Variants in GXYLT2 observed in about 807,000 individuals in gnomAD.
GXYLT2 encodes the protein glucoside xylosyltransferase 2.
A neutral mutation model predicts 45.8 loss-of-function variants in GXYLT2; 53 were observed. The observed-to-expected ratio is 1.16, with a 90% confidence interval of 0.93 to 1.46. The LOEUF (loss-of-function observed/expected upper bound fraction) is 1.46, where lower values mean the gene tolerates loss of function less well. Among genes scored for constraint, GXYLT2 ranks in the 40% most tolerant of loss-of-function variants. The pLI is 0.00. For synonymous variants in GXYLT2, 219 were observed against 214.2 expected, an observed-to-expected ratio of 1.02 and a Z score of -0.19; for missense variants, 551 against 544.4, an observed-to-expected ratio of 1.01 and a Z score of -0.12.
chr3:72,899,931 C>T (rs1382927268), intron 1 of GXYLT2, among the ~76,000 whole-genome samples: 1 of 152,138 alleles, frequency 6.6e-6, no homozygotes, highest in Non-Finnish European at 1.5e-5. Context: ...TGGCCAACAG[C>T]ATGGGTTAGG....
intron 3 of GXYLT2, among the ~76,000 whole-genome samples, chr3:72,938,995 C>T (rs1710243612): frequency 6.6e-6 from 1 of 152,166 alleles, no homozygotes; most frequent in Non-Finnish European, 1.5e-5. Flanking sequence ...GTACACCCTG[C>T]TCTTTGTTAG....
At chr3:72,960,037 C>T (rs1186000948) in intron 5 of GXYLT2, among the ~76,000 whole-genome samples, 1 of 152,166 alleles carries the variant, frequency 6.6e-6, no homozygotes, top group Non-Finnish European at 1.5e-5. Context: ...CCTCTGCCTC[C>T]TGGGTTCAAG....
intron 3 of GXYLT2, among the ~76,000 whole-genome samples, chr3:72,941,035 G>C (rs887712646): frequency 6.6e-6 from 1 of 152,148 alleles, no homozygotes; most frequent in Admixed American, 6.5e-5. Context: ...GAGCATCAGA[G>C]CTTTACGTAA....
At chr3:72,953,219 A>G (rs1055633660) in intron 3 of GXYLT2, among the ~76,000 whole-genome samples, 2 of 152,152 alleles carry the variant, frequency 1.3e-5, no homozygotes, top group Admixed American at 6.5e-5. Context: ...TGAAAATTAT[A>G]TGAAATTCAA....
intron 3 of GXYLT2, among the ~76,000 whole-genome samples, chr3:72,943,854 A>ATT (rs527656824): frequency 7.4e-6 from 1 of 135,334 alleles, no homozygotes. Context: ...TGAGAGCATC[A>ATT]TTTTTTTTTT....
chr3:72,910,756 A>C (rs558163455), intron 2 of GXYLT2, among the ~76,000 whole-genome samples: 1 of 152,314 alleles, frequency 6.6e-6, no homozygotes, highest in Non-Finnish European at 1.5e-5. Context: ...TCATTCCCTC[A>C]GTGTGGCAGT....
At chr3:72,893,082 C>A (rs535448064) in intron 1 of GXYLT2, among the ~76,000 whole-genome samples, 153 of 152,260 alleles carry the variant, frequency 1.0e-3, no homozygotes, top group African/African-American at 3.6e-3. Flanking sequence ...TCCTTACGGC[C>A]GCTTCAATAA....
At chr3:72,896,476 T>C (rs1454000084) in intron 1 of GXYLT2, among the ~76,000 whole-genome samples, 1 of 152,116 alleles carries the variant, frequency 6.6e-6, no homozygotes, top group Non-Finnish European at 1.5e-5. Flanking sequence ...GGGGTAGGTA[T>C]GACTTGAGGA....
chr3:72,899,145 C>A (rs993942005), intron 1 of GXYLT2, among the ~76,000 whole-genome samples: 21 of 152,188 alleles, frequency 1.4e-4, no homozygotes, highest in African/African-American at 4.6e-4. Flanking sequence ...GTGACACTTA[C>A]TAGTTTTAAA....
chr3:72,956,668 C>T (rs544477852), intron 4 of GXYLT2, among the ~76,000 whole-genome samples: 2 of 151,934 alleles, frequency 1.3e-5, no homozygotes, highest in Non-Finnish European at 2.9e-5. Flanking sequence ...GGAGGTGGGT[C>T]ACTCGAGGTC....
In GXYLT2 at chr3:72,905,267, G is replaced by A. The variant is rs1240774207; in HGVS notation, c.276-3100G>A. ...CAAGTAGCTGGGATTACAGGCACAC[G>A]CCACCACAACCAGCTAATTTTTGTA... On this transcript the variant is annotated intron_variant, in intron 1 of 6. Transcript: ENST00000389617. 5.3e-5 allele frequency among the ~76,000 whole-genome samples: 8 copies of A among 151,904 alleles called. No homozygotes were observed. In the East Asian group the frequency reaches 7.9e-4, roughly 15 times the overall value.
At chr3:72,898,016 A>G (rs779407809) in intron 1 of GXYLT2, among the ~76,000 whole-genome samples, 5 of 152,234 alleles carry the variant, frequency 3.3e-5, no homozygotes, top group African/African-American at 1.2e-4. Context: ...ACACCCACAT[A>G]TATTGGGTAT....
At chr3:72,915,365 G>GA (rs1283360565) in intron 2 of GXYLT2, among the ~76,000 whole-genome samples, 1 of 132,174 alleles carries the variant, frequency 7.6e-6, no homozygotes, top group Non-Finnish European at 1.6e-5. Flanking sequence ...GCGGGGGGGG[G>GA]GGGGATTTAG....
chr3:72,911,507 C>T (rs564426291), intron 2 of GXYLT2, among the ~76,000 whole-genome samples: 29 of 152,260 alleles, frequency 1.9e-4, no homozygotes, highest in Admixed American at 1.6e-3. Context: ...ACAAAAGGCA[C>T]TTCACCTTCC....
At chr3:72,912,579 A>G (rs1709653687) in intron 2 of GXYLT2, among the ~76,000 whole-genome samples, 2 of 152,212 alleles carry the variant, frequency 1.3e-5, no homozygotes, top group Admixed American at 1.3e-4. Context: ...TGTATGAAAT[A>G]CATTATGCCA....
Position 72,975,103 on chromosome 3 carries a change from A to C in GXYLT2, c.1276A>C (p.Lys426Gln), listed in dbSNP as rs750866990. 5 of 1,613,838 alleles carry C rather than the reference A, an allele frequency of 3.1e-6. No homozygotes were observed. The South Asian group carries it at 5.5e-5, about 18-fold the overall frequency. Residue 426 changes from lysine to glutamine, a missense_variant, in exon 7 of 7, where the codon AAA becomes CAA. Transcript: ENST00000389617. ...VFLKQIEKTM[K>Q]RAYEKHVIIH... ...TCTGAAGCAAATTGAGAAAACAATG[A>C]AAAGGGCTTATGAGAAACACGTCAT... is the stretch of plus-strand genomic sequence containing the variant.
intron 2 of GXYLT2, among the ~76,000 whole-genome samples, chr3:72,915,354 T>TTTTGG (rs71126805): frequency 3.0e-5 from 1 of 33,486 alleles, no homozygotes; most frequent in African/African-American, 1.6e-4. Context: ...TTTTTTTTTT[T>TTTTGG]GCGGGGGGGG....
rs116551118 is a variant in GXYLT2 at position 72,949,083 on chromosome 3, G to A, written c.601-6015G>A. ...GCAGTATGGGTAGGCGAGGAAGCAA[G>A]GATGACCTAGAGGTGTCTGGGTCAA... is the stretch of plus-strand genomic sequence containing the variant. On this transcript the variant is annotated intron_variant, in intron 3 of 6. Transcript: ENST00000389617. 5.1e-3 allele frequency among the ~76,000 whole-genome samples: 778 copies of A among 152,218 alleles called. 3 individuals carry two copies. Among genetic ancestry groups the A allele is most frequent in the African/African-American group, 0.018 (755 of 41,542 alleles).
chr3:72,975,764 G>T lies in GXYLT2; in HGVS notation c.*605G>T, dbSNP rs1711088904. The T allele has an allele frequency of 6.6e-6, 1 of 152,036 alleles. No individual in the cohort carries two copies. The highest frequency in any genetic ancestry group is 1.5e-5 in the Non-Finnish European group (1 of 68,008). The allele number at this position is 152,036 out of a possible 1,614,324, so 9.4% of individuals were successfully genotyped here. A position where few individuals can be genotyped will look rare whatever the true frequency, so the allele number is the denominator to read the frequency against. On this transcript the variant is annotated 3_prime_UTR_variant, in exon 7 of 7. Coordinates refer to ENST00000389617, the MANE Select transcript of GXYLT2 (RefSeq NM_001080393.2). ...AAACAGGTAATCTCAGTAAAAGCTG[G>T]CCTTTTTGCTGAGATTTTTATGTGG...
Sources: allele counts gnomAD v4.1 joint callset (sites outside exome capture counted in the v4.1 genomes callset), GRCh38; gene constraint gnomAD v4.1.1; transcripts MANE v1.5; gene names NCBI Gene and HGNC (gene_info 2026-07-23, HGNC 2026-07-21).